DAB2IP: variants seen among roughly 807,000 people sequenced by gnomAD.
DAB2IP encodes disabled homolog 2-interacting protein.
Under a neutral mutation model 107.2 loss-of-function variants are expected in DAB2IP, and 28 were observed. The observed-to-expected ratio is 0.26, with a 90% CI of 0.19 to 0.36. The LOEUF is 0.36. Ranked by LOEUF, DAB2IP falls within the 10% of genes least tolerant of loss-of-function variation. DAB2IP has a pLI of 1.00. For synonymous variants in DAB2IP, 755 were observed against 706.4 expected (o/e 1.07, Z -1.09); for missense variants, 1,400 against 1,644.7 (o/e 0.85, Z 2.57).
chr9:121,642,651 G>A (rs1055117527), intron 1 of DAB2IP, among the ~76,000 whole-genome samples: 4 of 149,786 alleles, frequency 2.7e-5, no homozygotes, highest in African/African-American at 9.8e-5. Flanking sequence ...GGGGCTTTGA[G>A]CCCAGCTCCC....
chr9:121,626,211 T>G (rs537019493), intron 1 of DAB2IP, among the ~76,000 whole-genome samples: 3 of 152,166 alleles, frequency 2.0e-5, no homozygotes, highest in East Asian at 3.9e-4. Flanking sequence ...GGCACACGTT[T>G]AATGAGCTCT....
At chr9:121,628,627 G>C (rs1470791573) in intron 1 of DAB2IP, among the ~76,000 whole-genome samples, 2 of 152,206 alleles carry the variant, frequency 1.3e-5, no homozygotes, top group Admixed American at 6.5e-5. Flanking sequence ...GGCCCAGTGG[G>C]AGTTTTAGAA....
At chr9:121,754,904 G>T (rs760199605) in intron 3 of DAB2IP, among the ~76,000 whole-genome samples, 15 of 152,178 alleles carry the variant, frequency 9.9e-5, no homozygotes, top group Non-Finnish European at 2.2e-4. Flanking sequence ...TACTTCCTGG[G>T]TCCCTACCCC....
intron 11 of DAB2IP, among the ~76,000 whole-genome samples, chr9:121,771,713 CG>C (rs1834753210): frequency 6.6e-6 from 1 of 152,056 alleles, no homozygotes. Flanking sequence ...CACTGCTCTC[CG>C]TCTTTCCTGG....
At chr9:121,585,540 G>T (rs1202834365) in intron 1 of DAB2IP, among the ~76,000 whole-genome samples, 1 of 152,184 alleles carries the variant, frequency 6.6e-6, no homozygotes, top group Non-Finnish European at 1.5e-5. Context: ...GCCAAGGAGA[G>T]ATGGTAGAAA....
At position 121,782,607 on chromosome 9, in the gene DAB2IP, A is replaced by C. The variant is rs1835743452; in HGVS notation, c.*109A>C. The C allele has an allele frequency of 6.6e-7, 1 of 1,522,344 alleles. No individual in the cohort carries two copies. Among genetic ancestry groups the C allele is most frequent in the South Asian group, 1.3e-5 (1 of 78,038 alleles). 94.3% of individuals were successfully genotyped at this position (1,522,344 alleles called of 1,614,324 possible). A position where few individuals can be genotyped will look rare whatever the true frequency, so the allele number is the denominator to read the frequency against. On this transcript the variant is annotated 3_prime_UTR_variant, in exon 16 of 16. Transcript: ENST00000408936. The surrounding 1 kb of genome is among the most constrained non-coding windows in gnomAD (Gnocchi z 6.1). ...CGGTTGCAGCCCCAGCGCGGGTGTC[A>C]GGAGGCCGAGCCTCCCCTCCCTGCC...
At chr9:121,677,261 G>A (rs1258113435) in intron 1 of DAB2IP, among the ~76,000 whole-genome samples, 1 of 152,220 alleles carries the variant, frequency 6.6e-6, no homozygotes, top group African/African-American at 2.4e-5. Flanking sequence ...GCTGAGCCCT[G>A]TAATCCCAGC....
chr9:121,707,528 A>G (rs1830119678), intron 3 of DAB2IP, among the ~76,000 whole-genome samples: 1 of 152,152 alleles, frequency 6.6e-6, no homozygotes, highest in African/African-American at 2.4e-5. Flanking sequence ...TGTCGCCCTA[A>G]CTTTTCTGGA....
At position 121,770,734 on chromosome 9, in the gene DAB2IP, G is replaced by C. The variant is rs765286705; in HGVS notation, c.2078+10G>C. 6.2e-7 allele frequency: 1 copy of C among 1,613,164 alleles called. No homozygotes were observed. Among genetic ancestry groups the C allele is most frequent in the Non-Finnish European group, 8.5e-7 (1 of 1,179,438 alleles). On this transcript the variant is annotated intron_variant, in intron 11 of 15. Coordinates refer to ENST00000408936, the Ensembl canonical transcript of DAB2IP. ...AGAACGATCTTTCCGGGTAAGAGCT[G>C]CCAGCCATGTTGGGTGTGGTGGGTG... is the stretch of plus-strand genomic sequence containing the variant.
At chr9:121,586,734 C>T (rs550793112) in intron 1 of DAB2IP, among the ~76,000 whole-genome samples, 10 of 151,842 alleles carry the variant, frequency 6.6e-5, no homozygotes, top group Non-Finnish European at 1.3e-4. Context: ...GTGGGAGGAT[C>T]GCTTTAGCCT....
intron 1 of DAB2IP, among the ~76,000 whole-genome samples, chr9:121,655,913 AG>A (rs1832950497): frequency 6.6e-6 from 1 of 151,742 alleles, no homozygotes; most frequent in Admixed American, 6.6e-5. Flanking sequence ...GCGTGGTGGG[AG>A]AGGATGGTTT....
chr9:121,714,937 T>C (rs759488995), intron 3 of DAB2IP, among the ~76,000 whole-genome samples: 11 of 152,246 alleles, frequency 7.2e-5, no homozygotes, highest in Non-Finnish European at 1.6e-4. Context: ...ACGGGACTTG[T>C]ATGGCCTTAA....
chr9:121,699,313 C>G lies in DAB2IP; in HGVS notation c.229-12C>G. The G allele has an allele frequency of 1.4e-6, 2 of 1,436,026 alleles. No homozygotes were observed. The highest frequency in any genetic ancestry group is 1.9e-6 in the Non-Finnish European group (2 of 1,079,954). 89.0% of individuals were successfully genotyped at this position (1,436,026 alleles called of 1,614,324 possible). On this transcript the variant is annotated splice_polypyrimidine_tract_variant and intron_variant, in intron 2 of 15. Transcript: ENST00000408936. The surrounding 1 kb of genome is among the most constrained non-coding windows in gnomAD (Gnocchi z 6.2). ...CCGCCTCCCCTTCCCCCTCTTGTCCCCCCGTGCGCAGGGCTTCCTCAGCCG... is the reference window on the plus strand; with the variant it reads ...CCGCCTCCCCTTCCCCCTCTTGTCCGCCCGTGCGCAGGGCTTCCTCAGCCG...
chr9:121,575,764 C>T (rs375161033), intron 1 of DAB2IP, among the ~76,000 whole-genome samples: 4 of 152,112 alleles, frequency 2.6e-5, no homozygotes, highest in East Asian at 1.9e-4. Flanking sequence ...TGGGTGGATA[C>T]GCCCTGGGCT....
rs1375516658 is a variant in DAB2IP, at chr9:121,684,714, C to G, written c.228+5933C>G. Among the ~76,000 whole-genome samples the G allele has an allele frequency of 6.6e-6, 1 of 152,236 alleles. No individual in the cohort carries two copies. The highest frequency in any genetic ancestry group is 1.5e-5 in the Non-Finnish European group (1 of 68,040). On this transcript the variant is annotated intron_variant, in intron 2 of 15. Transcript: ENST00000408936. The surrounding 1 kb of genome is among the most constrained non-coding windows in gnomAD (Gnocchi z 4.0). ...TTGTGCCCCTTCCAAGCTACGGAGGCTCCGGGTGGCTGTTGGGGTGGGGAA... is the reference window on the plus strand; with the variant it reads ...TTGTGCCCCTTCCAAGCTACGGAGGGTCCGGGTGGCTGTTGGGGTGGGGAA...
At chr9:121,621,520 G>A (rs1831462429) in intron 1 of DAB2IP, among the ~76,000 whole-genome samples, 1 of 152,084 alleles carries the variant, frequency 6.6e-6, no homozygotes, top group Admixed American at 6.6e-5. Flanking sequence ...CCTCAGCCCG[G>A]TGCCTGCCTG....
At chr9:121,648,039 G>A (rs540157886), upstream of DAB2IP, among the ~76,000 whole-genome samples, 201 of 152,162 alleles carry the variant, frequency 1.3e-3, 1 homozygote, top group African/African-American at 4.7e-3. Flanking sequence ...CTCATAAGTG[G>A]GAGCTAAGCT....
At chr9:121,764,730 C>T (rs1188829833) in intron 8 of DAB2IP, among the ~76,000 whole-genome samples, 2 of 152,226 alleles carry the variant, frequency 1.3e-5, no homozygotes, top group South Asian at 2.1e-4. Flanking sequence ...ACACCACTCT[C>T]TCCCCGGCCT....
intron 1 of DAB2IP, among the ~76,000 whole-genome samples, chr9:121,605,343 T>G (rs1052614093): frequency 6.6e-6 from 1 of 152,098 alleles, no homozygotes; most frequent in Admixed American, 6.6e-5. Flanking sequence ...GTTCTTGATC[T>G]GCTTCTTAAA....
Sources: gnomAD v4.1 joint callset for allele counts (sites outside exome capture counted in the v4.1 genomes callset) on GRCh38, gnomAD v4.1.1 for gene constraint, Gnocchi (gnomAD v3.1) non-coding constraint, MANE v1.5 for transcripts, NCBI Gene and HGNC (gene_info 2026-07-23, HGNC 2026-07-21) for gene names.